Variants in FSCN1 observed in about 807,000 individuals in gnomAD.
FSCN1 encodes fascin actin-bundling protein 1.
A neutral mutation model predicts 39.7 loss-of-function variants in FSCN1; 10 were observed. The ratio of observed to expected loss-of-function variants is 0.25; its 90% confidence interval spans 0.16 to 0.43. The LOEUF (loss-of-function observed/expected upper bound fraction) is 0.43, where lower values mean the gene tolerates loss of function less well. Ranked by LOEUF, FSCN1 falls within the 20% of genes least tolerant of loss-of-function variation. The probability of loss-of-function intolerance (pLI) is 1.00; values close to 1 mark genes in which losing one functional copy is unlikely to be tolerated. For synonymous variants in FSCN1, 322 were observed against 320.0 expected, an observed-to-expected ratio of 1.01 and a Z score of -0.07; for missense variants, 525 against 723.8, an observed-to-expected ratio of 0.73 and a Z score of 3.15.
intron 1 of FSCN1, among the ~76,000 whole-genome samples, chr7:5,600,658 A>AT (rs199908085): frequency 0.011 from 1,537 of 133,906 alleles, 24 homozygotes; most frequent in African/African-American, 0.038. Flanking sequence ...CCCCCAGCTA[A>AT]TTTTTTTTTT....
At chr7:5,598,211 A>C (rs754520248) in intron 1 of FSCN1, among the ~76,000 whole-genome samples, 1 of 152,178 alleles carries the variant, frequency 6.6e-6, no homozygotes, top group Non-Finnish European at 1.5e-5. Context: ...GAAGGCACTC[A>C]TCCAAGGGTG....
intron 1 of FSCN1, among the ~76,000 whole-genome samples, chr7:5,598,677 G>A (rs1785772951): frequency 6.6e-6 from 1 of 152,182 alleles, no homozygotes; most frequent in Non-Finnish European, 1.5e-5. Context: ...TCTTTCTGGG[G>A]AACCTGGAGC....
intron 1 of FSCN1, among the ~76,000 whole-genome samples, chr7:5,597,692 AC>A (rs1418324192): frequency 2.0e-5 from 3 of 151,800 alleles, no homozygotes; most frequent in East Asian, 1.9e-4. Context: ...AACAAAAAAA[AC>A]AACCAAAACA....
chr7:5,595,848 A>C (rs1224351030), intron 1 of FSCN1, among the ~76,000 whole-genome samples: 1 of 152,172 alleles, frequency 6.6e-6, no homozygotes, highest in African/African-American at 2.4e-5. Context: ...GGGGCCAGGA[A>C]GTTGCAGAGA....
chr7:5,595,606 T>TA (rs1273463880), intron 1 of FSCN1, among the ~76,000 whole-genome samples: 7 of 151,914 alleles, frequency 4.6e-5, no homozygotes, highest in Admixed American at 4.6e-4. Context: ...AGGTGGCAGG[T>TA]ATGGGGGGGG....
In FSCN1 at chr7:5,603,509, T is replaced by C. The variant is rs1454897658; in HGVS notation, c.1003T>C (p.Tyr335His). Residue 335 changes from tyrosine to histidine, a missense_variant, in exon 3 of 5, where the codon TAC becomes CAC. By Grantham distance (83) the Tyr-to-His change is moderately conservative. This residue lies in a region of FSCN1 where 275 missense variants were observed against 351.9 expected (regional missense o/e 0.78). Transcript: ENST00000382361. This position sits in a 1 kb window ranked among gnomAD's most constrained non-coding sequence, Gnocchi z 8.5. ...GCCATCCCCCAGGAATGCCAGCTGCTACTTTGACATCGAGTGGCGTGACCG... is the reference window on the plus strand; with the variant it reads ...GCCATCCCCCAGGAATGCCAGCTGCCACTTTGACATCGAGTGGCGTGACCG... ...STASSKNASCYFDIEWRDRRI... is the reference protein window; with the variant it reads ...STASSKNASCHFDIEWRDRRI... The C allele has an allele frequency of 1.2e-6, 2 of 1,614,124 alleles. No individual in the cohort carries two copies. Among genetic ancestry groups the C allele is most frequent in the South Asian group, 2.2e-5 (2 of 91,088 alleles).
At chr7:5,594,077 A>C (rs1584297374) in intron 1 of FSCN1, 61 of 200,252 alleles carry the variant, frequency 3.0e-4, no homozygotes, top group East Asian at 6.5e-4. Context: ...GGCTCTCCCC[A>C]CGCGCGCTGA....
At chr7:5,598,865 C>T (rs852480) in intron 1 of FSCN1, among the ~76,000 whole-genome samples, 4,907 of 152,310 alleles carry the variant, frequency 0.032, 116 homozygotes, top group East Asian at 0.083. Context: ...GCTCTGTGGC[C>T]GGCACAGGCC....
chr7:5,605,161 G>T lies in FSCN1; in HGVS notation c.1280-111G>T. The T allele has an allele frequency of 1.3e-6, 1 of 755,212 alleles. No individual in the cohort carries two copies. The highest frequency in any genetic ancestry group is 1.7e-5 in the South Asian group (1 of 60,424). 46.8% of individuals were successfully genotyped at this position (755,212 alleles called of 1,614,324 possible). ...GGACCCTGGCTCATTCCGGAGCCGG[G>T]ACTGGAGGGTGGGGCGTCACCCTTG... is the stretch of plus-strand genomic sequence containing the variant. On this transcript the variant is annotated intron_variant, in intron 4 of 4. Coordinates refer to ENST00000382361, the MANE Select transcript of FSCN1 (RefSeq NM_003088.4). The surrounding 1 kb of genome is among the most constrained non-coding windows in gnomAD (Gnocchi z 6.9).
chr7:5,605,328 G>A lies in FSCN1; in HGVS notation c.1336G>A (p.Asp446Asn), dbSNP rs140594742. Residue 446 changes from aspartate to asparagine, a missense_variant, in exon 5 of 5, where the codon GAC becomes AAC. Physicochemically the swap from Asp to Asn is conservative, Grantham distance 23. Around this residue, in one of 3 missense-constraint regions of FSCN1, gnomAD observed 275 missense variants for 351.9 expected, o/e 0.78. Transcript: ENST00000382361. This position sits in a 1 kb window ranked among gnomAD's most constrained non-coding sequence, Gnocchi z 6.9. ...GSDSAVTSSGDTPVDFFFEFC... is the reference protein window; with the variant it reads ...GSDSAVTSSGNTPVDFFFEFC... ...TGACTCCGCGGTCACCAGCAGCGGCGACACTCCTGTGGACTTCTTCTTCGA... is the reference window on the plus strand; with the variant it reads ...TGACTCCGCGGTCACCAGCAGCGGCAACACTCCTGTGGACTTCTTCTTCGA... 7.1e-5 allele frequency: 114 copies of A among 1,613,838 alleles called. No homozygotes were observed. In the African/African-American group the frequency reaches 9.2e-4, roughly 13 times the overall value.
At position 5,592,945 on chromosome 7, in the gene FSCN1, C is replaced by T; in HGVS notation, c.9C>T (p.Ala3=). ...TCTCGTCTACTGCCACCATGACCGCCAACGGCACAGCCGAGGCGGTGCAGA... is the reference window on the plus strand; with the variant it reads ...TCTCGTCTACTGCCACCATGACCGCTAACGGCACAGCCGAGGCGGTGCAGA... MT[A]NGTAEAVQIQ... Residue 3 remains alanine (A), a synonymous_variant, in exon 1 of 5, where the codon GCC becomes GCT. Transcript: ENST00000382361. The surrounding 1 kb of genome is among the most constrained non-coding windows in gnomAD (Gnocchi z 5.3). 1 of 1,535,278 alleles carries T rather than the reference C, an allele frequency of 6.5e-7. No individual in the cohort carries two copies. Among genetic ancestry groups the T allele is most frequent in the African/African-American group, 1.4e-5 (1 of 72,358 alleles).
chr7:5,605,652 C>T lies in FSCN1; in HGVS notation c.*178C>T. On this transcript the variant is annotated 3_prime_UTR_variant, in exon 5 of 5. Coordinates refer to ENST00000382361, the MANE Select transcript of FSCN1 (RefSeq NM_003088.4). The surrounding 1 kb of genome is among the most constrained non-coding windows in gnomAD (Gnocchi z 6.9). ...CGCCCCTATGGACTCCCCACTCTCC[C>T]CTCCGCCCGGGTTCCCTACTCCCCT... 1.7e-6 allele frequency: 1 copy of T among 592,746 alleles called. No homozygotes were observed. Among genetic ancestry groups the T allele is most frequent in the Non-Finnish European group, 3.0e-6 (1 of 336,252 alleles). 36.7% of individuals were successfully genotyped at this position (592,746 alleles called of 1,614,324 possible).
chr7:5,601,954 AAT>A (rs1491472295), intron 1 of FSCN1, among the ~76,000 whole-genome samples: 18 of 147,354 alleles, frequency 1.2e-4, no homozygotes, highest in East Asian at 2.0e-4. Context: ...CTTAAAAAAA[AAT>A]TTTTTTTTTT....
chr7:5,597,738 G>T (rs1054769586), intron 1 of FSCN1, among the ~76,000 whole-genome samples: 1 of 141,390 alleles, frequency 7.1e-6, no homozygotes, highest in African/African-American at 2.6e-5. Flanking sequence ...ATAATTAAAA[G>T]AAAAAAGTTA....
chr7:5,602,199 C>G (rs975059756), intron 1 of FSCN1, among the ~76,000 whole-genome samples: 2 of 134,428 alleles, frequency 1.5e-5, no homozygotes, highest in African/African-American at 5.9e-5. Context: ...AGCCACTGTG[C>G]CTGGCCCCTT....
chr7:5,593,752 C>A lies in FSCN1; in HGVS notation c.816C>A (p.Asn272Lys), dbSNP rs17764881. Residue 272 changes from asparagine (N) to lysine (K), a missense_variant, in exon 1 of 5, where the codon AAC (asparagine) becomes AAA (lysine). Coordinates refer to ENST00000382361, the MANE Select transcript of FSCN1 (RefSeq NM_003088.4). ...TGCTGCAGGCGGCCAACGAGAGGAA[C>A]GTGTCCACGCGCCAGGGTGAGTGGG... ...QVVLQAANER[N>K]VSTRQGMDLS... is the part of the protein sequence containing the mutation. 3 of 1,581,954 alleles carry A rather than the reference C, an allele frequency of 1.9e-6. No homozygotes were observed. The highest frequency in any genetic ancestry group is 8.5e-7 in the Non-Finnish European group (1 of 1,170,644).
intron 1 of FSCN1, among the ~76,000 whole-genome samples, chr7:5,595,652 TC>T (rs2128548775): frequency 6.6e-6 from 1 of 152,272 alleles, no homozygotes; most frequent in Admixed American, 6.5e-5. Context: ...TGTGGGTGTC[TC>T]CTGTGCAAAG....
Position 5,605,228 on chromosome 7 carries a change from G to A in FSCN1, c.1280-44G>A, listed in dbSNP as rs1490169224. The A allele has an allele frequency of 3.4e-6, 5 of 1,477,222 alleles. No individual in the cohort carries two copies. The highest frequency in any genetic ancestry group is 2.8e-6 in the Non-Finnish European group (3 of 1,059,120). The allele number at this position is 1,477,222 out of a possible 1,614,324, so 91.5% of individuals were successfully genotyped here. On this transcript the variant is annotated intron_variant, in intron 4 of 4. Transcript: ENST00000382361. This position sits in a 1 kb window ranked among gnomAD's most constrained non-coding sequence, Gnocchi z 6.9. ...CCCTCCGCTGCCCAGGGTAGGGGTG[G>A]GGAGCCAGGCTTTGGGCCCCACTTG... is the stretch of plus-strand genomic sequence containing the variant.
At position 5,593,108 on chromosome 7, in the gene FSCN1, G is replaced by A; in HGVS notation, c.172G>A (p.Ala58Thr). The A allele has an allele frequency of 6.2e-7, 1 of 1,604,550 alleles. No individual in the cohort carries two copies. The highest frequency in any genetic ancestry group is 8.5e-7 in the Non-Finnish European group (1 of 1,176,986). Reference protein sequence around the residue: ...LEQPPDEAGSAAVCLRSHLGR... With the variant: ...LEQPPDEAGSTAVCLRSHLGR... ...GCAGCCCCCTGACGAGGCGGGCAGC[G>A]CGGCCGTGTGCCTGCGCAGCCACCT... is the stretch of plus-strand genomic sequence containing the variant. The change falls in exon 1 of 5, where the codon GCG becomes ACG. Residue 58 changes from alanine (A) to threonine (T), a missense_variant. Physicochemically the swap from Ala to Thr is moderately conservative, Grantham distance 58. Coordinates refer to ENST00000382361, the MANE Select transcript of FSCN1 (RefSeq NM_003088.4).
Sources: gnomAD v4.1 joint callset for allele counts (sites outside exome capture counted in the v4.1 genomes callset) on GRCh38, gnomAD v4.1.1 for gene constraint, gnomAD v4.1.1 regional missense constraint, Gnocchi (gnomAD v3.1) non-coding constraint, MANE v1.5 for transcripts, NCBI Gene and HGNC (gene_info 2026-07-23, HGNC 2026-07-21) for gene names.